Variants in ZNF746 observed in about 807,000 individuals in gnomAD.
The protein encoded by ZNF746 is parkin-interacting substrate.
Under a neutral mutation model 41.0 loss-of-function variants are expected in ZNF746, and 13 were observed. That is an observed-to-expected ratio of 0.32 (90% CI 0.21 to 0.50). ZNF746 has a LOEUF of 0.50. Ranked by LOEUF, ZNF746 falls within the 20% of genes least tolerant of loss-of-function variation. ZNF746 has a pLI of 0.98. For missense variants in ZNF746, 811 were observed against 922.9 expected, an observed-to-expected ratio of 0.88 and a Z score of 1.57; for synonymous variants, 424 against 396.2, an observed-to-expected ratio of 1.07 and a Z score of -0.83.
chr7:149,474,064 A>C lies in ZNF746; in HGVS notation c.*320T>G, dbSNP rs1476582382. On this transcript the variant is annotated 3_prime_UTR_variant, in exon 7 of 7. Transcript: ENST00000458143. This position sits in a 1 kb window ranked among gnomAD's most constrained non-coding sequence, Gnocchi z 6.3. The stretch of plus-strand genomic sequence containing the variant: ...CGCCCTGAAAACCAAAAGTACCTAC[A>C]AAATTTAAATAGCCCTATTACTATT... The C allele has an allele frequency of 2.7e-6, 1 of 369,606 alleles. No individual in the cohort carries two copies. The highest frequency in any genetic ancestry group is 5.0e-6 in the Non-Finnish European group (1 of 198,504). 22.9% of individuals were successfully genotyped at this position (369,606 alleles called of 1,614,324 possible). A position where few individuals can be genotyped will look rare whatever the true frequency, so the allele number is the denominator to read the frequency against.
At chr7:149,477,938 T>G in intron 4 of ZNF746, 183 bp from the exon 5 acceptor site, 1 of 502,566 alleles carries the variant, frequency 2.0e-6, no homozygotes, top group Non-Finnish European at 3.5e-6. Flanking sequence ...GGTCACATGG[T>G]ATTGGGAATG....
In ZNF746 at chr7:149,473,949, C is replaced by A. The variant is rs909727733; in HGVS notation, c.*435G>T. On this transcript the variant is annotated 3_prime_UTR_variant, in exon 7 of 7. Coordinates refer to ENST00000458143, the MANE Select transcript of ZNF746 (RefSeq NM_001394198.1). ...GGCAGAGCAGGGGCACACACAGGAC[C>A]CCATCCCCAGGAGTCAGTGGGCCAG... The A allele has an allele frequency of 4.0e-6, 1 of 247,032 alleles. No homozygotes were observed. The allele number at this position is 247,032 out of a possible 1,614,324, so 15.3% of individuals were successfully genotyped here. A position where few individuals can be genotyped will look rare whatever the true frequency, so the allele number is the denominator to read the frequency against.
intron 1 of ZNF746, among the ~76,000 whole-genome samples, chr7:149,495,673 C>T (rs1403515030): frequency 6.6e-6 from 1 of 152,178 alleles, no homozygotes; most frequent in Non-Finnish European, 1.5e-5. Context: ...TACTAGAAAC[C>T]AGTGTGGATT....
rs182964944 is a variant in ZNF746, at chr7:149,495,383, A to G, written c.25-880T>C. ...ATATATGCCACAGTTAGACTTGTAT[A>G]TGGACAGCAACCATCTTAATTAGAG... On this transcript the variant is annotated intron_variant, in intron 1 of 6. Coordinates refer to ENST00000458143, the MANE Select transcript of ZNF746 (RefSeq NM_001394198.1). 3.9e-3 allele frequency among the ~76,000 whole-genome samples: 587 copies of G among 152,320 alleles called. 15 individuals are homozygous for G. Among genetic ancestry groups the G allele is most frequent in the Non-Finnish European group, 9.3e-4 (63 of 68,026 alleles).
At position 149,474,122 on chromosome 7, in the gene ZNF746, CAAAA is replaced by C. The variant is rs966483292; in HGVS notation, c.*258_*261del. On this transcript the variant is annotated 3_prime_UTR_variant, in exon 7 of 7. Coordinates refer to ENST00000458143, the MANE Select transcript of ZNF746 (RefSeq NM_001394198.1). This position sits in a 1 kb window ranked among gnomAD's most constrained non-coding sequence, Gnocchi z 6.3. ...TTTTTCCTCAAGAATTAAAAAAAAA[CAAAA>C]AACAAAAAACAAAACAGGTTTGCAA... The C allele has an allele frequency of 2.0e-6, 1 of 494,924 alleles. No individual in the cohort carries two copies. Among genetic ancestry groups the C allele is most frequent in the Non-Finnish European group, 3.6e-6 (1 of 279,194 alleles). The allele number at this position is 494,924 out of a possible 1,614,324, so 30.7% of individuals were successfully genotyped here. A position where few individuals can be genotyped will look rare whatever the true frequency, so the allele number is the denominator to read the frequency against.
At position 149,497,214 on chromosome 7, in the gene ZNF746, G is replaced by A. The variant is rs1801033128; in HGVS notation, c.24+299C>T. 3.0e-6 allele frequency: 3 copies of A among 984,260 alleles called. No homozygotes were observed. Among genetic ancestry groups the A allele is most frequent in the Non-Finnish European group, 3.6e-6 (3 of 829,006 alleles). The allele number at this position is 984,260 out of a possible 1,614,324, so 61.0% of individuals were successfully genotyped here. ...CCGCGGGTGGGGGGGCACCCAGAAGGAGGGGACAGCGGCTGGGGCGGGGGC... is the reference window on the plus strand; with the variant it reads ...CCGCGGGTGGGGGGGCACCCAGAAGAAGGGGACAGCGGCTGGGGCGGGGGC... On this transcript the variant is annotated intron_variant, in intron 1 of 6. Transcript: ENST00000458143. This position sits in a 1 kb window ranked among gnomAD's most constrained non-coding sequence, Gnocchi z 4.2.
intron 4 of ZNF746, among the ~76,000 whole-genome samples, chr7:149,481,755 G>C (rs1800491933): frequency 6.6e-6 from 1 of 152,156 alleles, no homozygotes; most frequent in Admixed American, 6.5e-5. Flanking sequence ...ACAATAGTTT[G>C]AAAAGGAAAA....
chr7:149,493,055 G>A (rs1800863178), intron 3 of ZNF746, 83 bp from the exon 4 acceptor site: 1 of 911,834 alleles, frequency 1.1e-6, no homozygotes, highest in African/African-American at 1.6e-5. Context: ...CAATGGTCTA[G>A]AAATGAAATC....
At chr7:149,485,891 T>C (rs1562989705) in intron 4 of ZNF746, among the ~76,000 whole-genome samples, 1 of 151,988 alleles carries the variant, frequency 6.6e-6, no homozygotes, top group African/African-American at 2.4e-5. Flanking sequence ...ATACAAAAAT[T>C]AGCTGGGCGT....
intron 4 of ZNF746, chr7:149,492,000 C>G (rs1800824358): frequency 1.4e-6 from 1 of 702,752 alleles, no homozygotes; most frequent in African/African-American, 1.7e-5. Context: ...CTAATAATAC[C>G]AAACCATAAG....
At position 149,497,712 on chromosome 7, in the gene ZNF746, C is replaced by A; in HGVS notation, c.-176G>T. Reference sequence around the variant, plus strand: ...GCGCCGCCCGCAGTCGCGCCGCCTCCGTCAGCGCCCGGCCGGTCCACACTG... The same window carrying A: ...GCGCCGCCCGCAGTCGCGCCGCCTCAGTCAGCGCCCGGCCGGTCCACACTG... On this transcript the variant is annotated 5_prime_UTR_variant, in exon 1 of 7. Transcript: ENST00000458143. The surrounding 1 kb of genome is among the most constrained non-coding windows in gnomAD (Gnocchi z 4.2). 3.5e-6 allele frequency: 1 copy of A among 285,018 alleles called. No homozygotes were observed. Among genetic ancestry groups the A allele is most frequent in the Non-Finnish European group, 5.3e-6 (1 of 188,458 alleles). 17.7% of individuals were successfully genotyped at this position (285,018 alleles called of 1,614,324 possible). A position where few individuals can be genotyped will look rare whatever the true frequency, so the allele number is the denominator to read the frequency against.
rs1022482717 is a variant in ZNF746 at position 149,473,798 on chromosome 7, G to C, written c.*586C>G. On this transcript the variant is annotated 3_prime_UTR_variant, in exon 7 of 7. Coordinates refer to ENST00000458143, the MANE Select transcript of ZNF746 (RefSeq NM_001394198.1). Reference sequence around the variant, plus strand: ...CTTTTGGGGGGCCTTTTCAGGAGAGGCAAGCTGGGAAATGCAACCGCTACT... The same window carrying C: ...CTTTTGGGGGGCCTTTTCAGGAGAGCCAAGCTGGGAAATGCAACCGCTACT... The C allele has an allele frequency of 6.4e-6, 1 of 156,198 alleles. No individual in the cohort carries two copies. The highest frequency in any genetic ancestry group is 2.4e-5 in the African/African-American group (1 of 41,472). The allele number at this position is 156,198 out of a possible 1,614,324, so 9.7% of individuals were successfully genotyped here. A position where few individuals can be genotyped will look rare whatever the true frequency, so the allele number is the denominator to read the frequency against.
chr7:149,481,909 A>C (rs1301220638), intron 4 of ZNF746, among the ~76,000 whole-genome samples: 1 of 152,232 alleles, frequency 6.6e-6, no homozygotes, highest in Non-Finnish European at 1.5e-5. Context: ...GACCAGAGCT[A>C]AGAAGAAAAA....
chr7:149,492,512 C>G (rs73469458), intron 4 of ZNF746, among the ~76,000 whole-genome samples: 1 of 152,146 alleles, frequency 6.6e-6, no homozygotes, highest in Non-Finnish European at 1.5e-5. Context: ...TTTTTGGCTG[C>G]GTGGGACTGG....
In ZNF746 at chr7:149,472,853, T is replaced by C. The variant is rs1331750264; in HGVS notation, c.*1531A>G. 6.5e-6 allele frequency: 1 copy of C among 152,736 alleles called. No homozygotes were observed. Among genetic ancestry groups the C allele is most frequent in the East Asian group, 1.9e-4 (1 of 5,182 alleles). 9.5% of individuals were successfully genotyped at this position (152,736 alleles called of 1,614,324 possible). On this transcript the variant is annotated 3_prime_UTR_variant, in exon 7 of 7. Transcript: ENST00000458143. Reference sequence around the variant, plus strand: ...TTTCTCTTATTTTTCAAAATATCAGTTATATCAATATTAGAAGTGTAAACA... The same window carrying C: ...TTTCTCTTATTTTTCAAAATATCAGCTATATCAATATTAGAAGTGTAAACA...
At position 149,474,976 on chromosome 7, in the gene ZNF746, G is replaced by A; in HGVS notation, c.1391C>T (p.Pro464Leu). ...PGLKKHPAAP[P>L]GGRPFTCATC... ...GGCGCAGGTGAAGGGCCGGCCCCCG[G>A]GGGGCGCCGCGGGGTGCTTCTTCAG... is the stretch of plus-strand genomic sequence containing the variant. Residue 464 changes from proline (P) to leucine (L), a missense_variant, in exon 7 of 7, where the codon CCC (proline) becomes CTC (leucine). By Grantham distance (98) the Pro-to-Leu change is moderately conservative. Transcript: ENST00000458143. This position sits in a 1 kb window ranked among gnomAD's most constrained non-coding sequence, Gnocchi z 6.3. 6.5e-7 allele frequency: 1 copy of A among 1,548,558 alleles called. No individual in the cohort carries two copies. The highest frequency in any genetic ancestry group is 8.7e-7 in the Non-Finnish European group (1 of 1,146,614).
intron 1 of ZNF746, among the ~76,000 whole-genome samples, chr7:149,495,825 C>T (rs945679482): frequency 1.1e-4 from 16 of 152,104 alleles, no homozygotes; most frequent in Non-Finnish European, 2.1e-4. Flanking sequence ...AAGCAGGACC[C>T]AAAGAAGGTA....
intron 4 of ZNF746, chr7:149,490,586 TG>T (rs918711806): frequency 5.2e-5 from 8 of 152,694 alleles, no homozygotes; most frequent in African/African-American, 1.9e-4. Flanking sequence ...CTTGAAGGAC[TG>T]GAAAACTGCT....
chr7:149,492,102 T>C lies in ZNF746; in HGVS notation c.565+757A>G, dbSNP rs1026116114. The C allele has an allele frequency of 1.0e-5, 7 of 671,528 alleles. No homozygotes were observed. In the Admixed American group the frequency reaches 1.5e-4, roughly 14 times the overall value. The allele number at this position is 671,528 out of a possible 1,614,324, so 41.6% of individuals were successfully genotyped here. The stretch of plus-strand genomic sequence containing the variant: ...GGCAAGGCTGACTCTTTGCAAAGCT[T>C]TGGATTAATTTTGTTGTCAATATAC... On this transcript the variant is annotated intron_variant, in intron 4 of 6. Transcript: ENST00000458143.
Sources: gnomAD v4.1 joint callset for allele counts (sites outside exome capture counted in the v4.1 genomes callset) on GRCh38, gnomAD v4.1.1 for gene constraint, Gnocchi (gnomAD v3.1) non-coding constraint, MANE v1.5 for transcripts, NCBI Gene and HGNC (gene_info 2026-07-23, HGNC 2026-07-21) for gene names.